EEF2K: variants seen among roughly 807,000 people sequenced by gnomAD.
The protein encoded by EEF2K is eukaryotic elongation factor 2 kinase, also known as alternative protein EEF2K.
A neutral mutation model predicts 93.8 loss-of-function variants in EEF2K; 70 were observed. That is an observed-to-expected ratio of 0.75 (90% CI 0.62 to 0.91). EEF2K has a LOEUF of 0.91. EEF2K is among the 40% of genes least tolerant of loss of function. The pLI, the probability that EEF2K is intolerant of heterozygous loss-of-function variation, is 0.00. For synonymous variants in EEF2K, 376 were observed against 380.8 expected (o/e 0.99, Z 0.15); for missense variants, 935 against 972.9 (o/e 0.96, Z 0.52).
intron 6 of EEF2K, among the ~76,000 whole-genome samples, chr16:22,255,770 T>G (rs1040730653): frequency 1.3e-5 from 2 of 151,982 alleles, no homozygotes; most frequent in African/African-American, 4.8e-5. Flanking sequence ...ATGAGCCATG[T>G]GTAGTGACAC....
chr16:22,254,575 T>A (rs2047381835), intron 6 of EEF2K, among the ~76,000 whole-genome samples: 1 of 151,940 alleles, frequency 6.6e-6, no homozygotes, highest in African/African-American at 2.4e-5. Context: ...CAAGCTAGAG[T>A]CCCTAATCTC....
At chr16:22,234,676 G>A (rs1366398942) in intron 2 of EEF2K, among the ~76,000 whole-genome samples, 1 of 151,748 alleles carries the variant, frequency 6.6e-6, no homozygotes. Flanking sequence ...ACCACTTTTA[G>A]AACATTTTAC....
intron 1 of EEF2K, among the ~76,000 whole-genome samples, chr16:22,217,783 G>A (rs2046973378): frequency 6.6e-6 from 1 of 152,132 alleles, no homozygotes; most frequent in Non-Finnish European, 1.5e-5. Context: ...GCATGTGACA[G>A]AAAACCTATC....
At chr16:22,230,063 A>C (rs2047100412) in intron 2 of EEF2K, among the ~76,000 whole-genome samples, 1 of 152,156 alleles carries the variant, frequency 6.6e-6, no homozygotes, top group Non-Finnish European at 1.5e-5. Context: ...GCAGGTTTCC[A>C]CTGATCCTGT....
chr16:22,280,181 C>G lies in EEF2K; in HGVS notation c.1890-17C>G. 2.1e-6 allele frequency: 3 copies of G among 1,456,600 alleles called. No individual in the cohort carries two copies. The highest frequency in any genetic ancestry group is 2.7e-6 in the Non-Finnish European group (3 of 1,097,146). 90.2% of individuals were successfully genotyped at this position (1,456,600 alleles called of 1,614,324 possible). ...GCCATGGTAACCTCCACCTTTCCCT[C>G]TGTATCTCCTGGCAAGGTGCCAAGA... On this transcript the variant is annotated splice_polypyrimidine_tract_variant and intron_variant, in intron 16 of 17. Transcript: ENST00000263026.
At chr16:22,274,913 A>G (rs1312040969) in intron 16 of EEF2K, among the ~76,000 whole-genome samples, 1 of 152,110 alleles carries the variant, frequency 6.6e-6, no homozygotes, top group African/African-American at 2.4e-5. Flanking sequence ...TAGGGCAGGT[A>G]TTTTGGCTCT....
chr16:22,283,674 G>C (rs893623095), intron 17 of EEF2K, among the ~76,000 whole-genome samples: 1 of 152,156 alleles, frequency 6.6e-6, no homozygotes, highest in African/African-American at 2.4e-5. Flanking sequence ...GTAGCTTGGT[G>C]GGGGATAGGA....
Position 22,260,544 on chromosome 16 carries a change from A to T in EEF2K, c.1299+15A>T. On this transcript the variant is annotated intron_variant, in intron 11 of 17. Transcript: ENST00000263026. ...ACAACCACCGGGTGAGTGTGAAGGG[A>T]GGGAGGCTGCAGGCTTCAGACCCCA... The T allele has an allele frequency of 6.2e-7, 1 of 1,614,080 alleles. No homozygotes were observed. Among genetic ancestry groups the T allele is most frequent in the Non-Finnish European group, 8.5e-7 (1 of 1,179,992 alleles).
Position 22,256,870 on chromosome 16 carries a change from C to T in EEF2K, c.741C>T (p.Arg247=), listed in dbSNP as rs200654228. 180 of 1,614,144 alleles carry T rather than the reference C, an allele frequency of 1.1e-4. No individual in the cohort carries two copies. The highest frequency in any genetic ancestry group is 1.8e-4 in the Admixed American group (11 of 60,028). ...IKYNSNSGFV[R]DDNIRLTPQA... is the part of the protein sequence containing the mutation. Reference sequence around the variant, plus strand: ...ACAACTCCAACTCTGGCTTTGTCCGCGATGACAACATCCGCCTGACGCCGC... The same window carrying T: ...ACAACTCCAACTCTGGCTTTGTCCGTGATGACAACATCCGCCTGACGCCGC... Residue 247 remains arginine (R), a synonymous_variant, in exon 7 of 18, where the codon CGC becomes CGT. Coordinates refer to ENST00000263026, the MANE Select transcript of EEF2K (RefSeq NM_013302.5).
chr16:22,229,593 C>T (rs1252104994), intron 2 of EEF2K, among the ~76,000 whole-genome samples: 2 of 152,160 alleles, frequency 1.3e-5, no homozygotes, highest in South Asian at 2.1e-4. Context: ...CCCAGCTACT[C>T]GGGAGGCTGA....
intron 11 of EEF2K, 56 bp from the exon 12 acceptor site, chr16:22,263,054 C>A (rs192041346): frequency 6.5e-7 from 1 of 1,546,328 alleles, no homozygotes; most frequent in East Asian, 2.3e-5. Flanking sequence ...GATGTCATAA[C>A]CATTTCCAGG....
intron 17 of EEF2K, among the ~76,000 whole-genome samples, chr16:22,280,603 A>G (rs1598210304): frequency 2.6e-5 from 4 of 151,946 alleles, no homozygotes; most frequent in Non-Finnish European, 5.9e-5. Context: ...AGATTTTCAT[A>G]ACAAAATTCA....
chr16:22,237,544 G>A (rs1210946827), intron 2 of EEF2K, among the ~76,000 whole-genome samples: 1 of 151,754 alleles, frequency 6.6e-6, no homozygotes, highest in Non-Finnish European at 1.5e-5. Flanking sequence ...AGGTTGAGGT[G>A]GAGGTTGAGG....
intron 15 of EEF2K, among the ~76,000 whole-genome samples, chr16:22,271,713 AAAC>A (rs1298757659): frequency 2.6e-5 from 4 of 152,116 alleles, no homozygotes; most frequent in African/African-American, 9.7e-5. Flanking sequence ...TCAAAAAAAA[AAAC>A]AAGAAAAAAT....
intron 2 of EEF2K, among the ~76,000 whole-genome samples, chr16:22,228,355 G>A (rs1220061447): frequency 5.9e-5 from 9 of 152,160 alleles, no homozygotes; most frequent in Non-Finnish European, 1.3e-4. Context: ...TGGGCGCGAC[G>A]GCTCACACCC....
Position 22,251,140 on chromosome 16 carries a change from T to C in EEF2K, c.447-11T>C. On this transcript the variant is annotated splice_polypyrimidine_tract_variant and intron_variant, in intron 5 of 17. Transcript: ENST00000263026. ...GTACCCAGGTAGGCCCCCTGTTGCCTCTTCCCACAGGAAGAAGCTCTCCAA... is the reference window on the plus strand; with the variant it reads ...GTACCCAGGTAGGCCCCCTGTTGCCCCTTCCCACAGGAAGAAGCTCTCCAA... 2.5e-6 allele frequency: 4 copies of C among 1,611,766 alleles called. No individual in the cohort carries two copies. The highest frequency in any genetic ancestry group is 3.4e-6 in the Non-Finnish European group (4 of 1,178,710).
chr16:22,218,846 C>T (rs1029254834), intron 1 of EEF2K, among the ~76,000 whole-genome samples: 1 of 151,050 alleles, frequency 6.6e-6, no homozygotes, highest in East Asian at 2.0e-4. Flanking sequence ...GACTGGAGGC[C>T]GGGCGCAGTG....
At chr16:22,283,308 C>CAAAAAAAAA (rs10540234) in intron 17 of EEF2K, among the ~76,000 whole-genome samples, 12 of 75,840 alleles carry the variant, frequency 1.6e-4, no homozygotes, top group Non-Finnish European at 2.7e-4. Context: ...GACTCCATCT[C>CAAAAAAAAA]AAAAAAAAAA....
chr16:22,260,764 A>G (rs1289504569), intron 11 of EEF2K, among the ~76,000 whole-genome samples: 1 of 152,214 alleles, frequency 6.6e-6, no homozygotes, highest in Non-Finnish European at 1.5e-5. Flanking sequence ...TGGTTAGGGA[A>G]GAGGGACTCC....
Sources: gnomAD v4.1 joint callset for allele counts (sites outside exome capture counted in the v4.1 genomes callset) on GRCh38, gnomAD v4.1.1 for gene constraint, MANE v1.5 for transcripts, NCBI Gene and HGNC (gene_info 2026-07-23, HGNC 2026-07-21) for gene names.